The following CCDC40 variants were observed in gnomAD, a reference collection of about 807,000 sequenced individuals.
CCDC40 encodes the protein coiled-coil domain-containing protein 40.
CCDC40 carries 104 observed loss-of-function variants against 124.5 expected under a neutral mutation model. The observed-to-expected ratio is 0.84, with a 90% confidence interval of 0.71 to 0.98. CCDC40 has a LOEUF of 0.98. Among genes scored for constraint, CCDC40 ranks in the 50% least tolerant of loss-of-function variants. The pLI, the probability that CCDC40 is intolerant of heterozygous loss-of-function variation, is 0.00. For missense variants in CCDC40, 1,463 were observed against 1,503.9 expected, an observed-to-expected ratio of 0.97 and a Z score of 0.45; for synonymous variants, 580 against 602.9, an observed-to-expected ratio of 0.96 and a Z score of 0.56.
intron 11 of CCDC40, 21 bp from the exon 12 acceptor site, chr17:80,081,855 C>T: frequency 6.2e-7 from 1 of 1,614,056 alleles, no homozygotes; most frequent in Non-Finnish European, 8.5e-7. Flanking sequence ...GCACGTGCAC[C>T]CTGTGGCTCC....
chr17:80,063,841 G>A (rs1223683453), intron 9 of CCDC40, among the ~76,000 whole-genome samples: 3 of 152,212 alleles, frequency 2.0e-5, no homozygotes, highest in African/African-American at 7.2e-5. Context: ...ATAGCTAGAA[G>A]AGAGGGTTTT....
At chr17:80,057,890 A>G (rs893807999) in intron 7 of CCDC40, among the ~76,000 whole-genome samples, 7 of 149,156 alleles carry the variant, frequency 4.7e-5, no homozygotes, top group African/African-American at 1.8e-4. Context: ...AAAAAAAAAG[A>G]AATCCATCTC....
chr17:80,058,885 C>T lies in CCDC40; in HGVS notation c.1345C>T (p.Arg449Ter), dbSNP rs387907093. ...QDLYVDQLTT[R>*]AQQLEEDIAL... Reference sequence around the variant, plus strand: ...CCTGTATGTGGACCAGCTCACCACTCGAGCCCAGCAACTGGAAGAAGACAT... The same window carrying T: ...CCTGTATGTGGACCAGCTCACCACTTGAGCCCAGCAACTGGAAGAAGACAT... Residue 449 changes from arginine (R) to a stop codon, truncating the protein, a stop_gained, in exon 9 of 20, where the codon CGA (arginine) becomes TGA (stop). Transcript: ENST00000397545. LOFTEE classifies it high-confidence loss of function. The surrounding 1 kb of genome is among the most constrained non-coding windows in gnomAD (Gnocchi z 4.2). 6.2e-6 allele frequency: 10 copies of T among 1,614,146 alleles called. No homozygotes were observed. The highest frequency in any genetic ancestry group is 8.5e-6 in the Non-Finnish European group (10 of 1,180,024).
intron 9 of CCDC40, among the ~76,000 whole-genome samples, chr17:80,063,499 T>G (rs527602922): frequency 3.9e-5 from 6 of 152,280 alleles, no homozygotes; most frequent in Non-Finnish European, 8.8e-5. Flanking sequence ...TGGGGAGGCC[T>G]CGCACAGGCT....
intron 18 of CCDC40, among the ~76,000 whole-genome samples, chr17:80,096,544 C>T: frequency 6.6e-6 from 1 of 151,974 alleles, no homozygotes; most frequent in Non-Finnish European, 1.5e-5. Flanking sequence ...CCCTGGGCAC[C>T]CCCTGAGTCC....
intron 3 of CCDC40, among the ~76,000 whole-genome samples, chr17:80,041,736 G>T (rs1439052361): frequency 6.6e-6 from 1 of 152,118 alleles, no homozygotes; most frequent in Non-Finnish European, 1.5e-5. Flanking sequence ...GCGCCCCTCA[G>T]CCTGGATTTG....
chr17:80,061,295 G>A (rs1421268299), intron 9 of CCDC40, among the ~76,000 whole-genome samples: 6 of 152,194 alleles, frequency 3.9e-5, no homozygotes, highest in Non-Finnish European at 5.9e-5. Flanking sequence ...GCAGTGAGCC[G>A]AGATCATGCC....
At chr17:80,059,529 C>T (rs1378264530) in intron 9 of CCDC40, among the ~76,000 whole-genome samples, 2 of 149,504 alleles carry the variant, frequency 1.3e-5, no homozygotes, top group African/African-American at 4.9e-5. Context: ...CATCTTCATT[C>T]ACGGGTGCGG....
intron 10 of CCDC40, among the ~76,000 whole-genome samples, chr17:80,073,647 A>G (rs910624951): frequency 2.0e-4 from 31 of 152,212 alleles, no homozygotes; most frequent in Admixed American, 1.0e-3. Context: ...TAGGCCTACA[A>G]TGGCCACTAA....
chr17:80,090,765 T>C (rs1364250375), intron 17 of CCDC40: 1 of 1,357,568 alleles, frequency 7.4e-7, no homozygotes, highest in Non-Finnish European at 9.5e-7. Context: ...GCCTTAAGGA[T>C]AACAGTAAGA....
intron 7 of CCDC40, among the ~76,000 whole-genome samples, chr17:80,057,957 T>G (rs1286130182): frequency 6.6e-6 from 1 of 152,154 alleles, no homozygotes; most frequent in Non-Finnish European, 1.5e-5. Flanking sequence ...CTGAGAGCAC[T>G]GACATAAATC....
chr17:80,036,700 G>A lies in CCDC40; in HGVS notation c.29+9G>A, dbSNP rs1467493004. The stretch of plus-strand genomic sequence containing the variant: ...GGCGGCGCGGCGGGCCGGTAAGCCG[G>A]GCCGAGGGGCAGCGGGTCTTGGAGT... On this transcript the variant is annotated intron_variant, in intron 1 of 19. Coordinates refer to ENST00000397545, the MANE Select transcript of CCDC40 (RefSeq NM_017950.4). 6.8e-7 allele frequency: 1 copy of A among 1,464,214 alleles called. No individual in the cohort carries two copies. Among genetic ancestry groups the A allele is most frequent in the African/African-American group, 1.4e-5 (1 of 69,292 alleles). 90.7% of individuals were successfully genotyped at this position (1,464,214 alleles called of 1,614,324 possible). A position where few individuals can be genotyped will look rare whatever the true frequency, so the allele number is the denominator to read the frequency against.
At position 80,100,432 on chromosome 17, in the gene CCDC40, A is replaced by C; in HGVS notation, c.*657A>C. On this transcript the variant is annotated 3_prime_UTR_variant, in exon 20 of 20. Transcript: ENST00000397545. ...GCTGGGGCGTCCACACCAAGGGACT[A>C]CGCCCCAGTCTGCCCACCTATCTTT... The C allele has an allele frequency of 6.5e-6, 1 of 153,620 alleles. No individual in the cohort carries two copies. 9.5% of individuals were successfully genotyped at this position (153,620 alleles called of 1,614,324 possible).
chr17:80,099,902 A>G lies in CCDC40; in HGVS notation c.*127A>G. 2 of 1,055,546 alleles carry G rather than the reference A, an allele frequency of 1.9e-6. No homozygotes were observed. Among genetic ancestry groups the G allele is most frequent in the South Asian group, 2.8e-5 (2 of 71,264 alleles). The allele number at this position is 1,055,546 out of a possible 1,614,324, so 65.4% of individuals were successfully genotyped here. On this transcript the variant is annotated 3_prime_UTR_variant, in exon 20 of 20. Transcript: ENST00000397545. ...TACCCTCAGAAGGGCATCGTTTAAG[A>G]GAAATAAGCCAGCCCCACCCATAGG...
intron 9 of CCDC40, among the ~76,000 whole-genome samples, chr17:80,064,363 C>T (rs1242937990): frequency 6.6e-6 from 1 of 152,036 alleles, no homozygotes; most frequent in African/African-American, 2.4e-5. Flanking sequence ...TGACTCGGGC[C>T]GCCAGCTTGC....
intron 2 of CCDC40, among the ~76,000 whole-genome samples, 186 bp from the exon 3 acceptor site, chr17:80,039,625 TG>T (rs2037221106): frequency 6.6e-6 from 1 of 151,992 alleles, no homozygotes; most frequent in African/African-American, 2.4e-5. Context: ...TTGGTCAGGA[TG>T]GTCTCAATCT....
intron 7 of CCDC40, among the ~76,000 whole-genome samples, chr17:80,056,500 G>A (rs2037752625): frequency 6.6e-6 from 1 of 152,078 alleles, no homozygotes; most frequent in African/African-American, 2.4e-5. Flanking sequence ...GGTGGCATGT[G>A]CCTGGAGTCC....
At chr17:80,075,902 G>A (rs1158270660) in intron 10 of CCDC40, among the ~76,000 whole-genome samples, 1 of 152,216 alleles carries the variant, frequency 6.6e-6, no homozygotes, top group Non-Finnish European at 1.5e-5. Context: ...AGCGCAGAAA[G>A]TCACTCCCGA....
intron 3 of CCDC40, 61 bp downstream of exon 3, chr17:80,040,331 T>A: frequency 6.9e-7 from 1 of 1,447,414 alleles, no homozygotes; most frequent in Non-Finnish European, 9.6e-7. Flanking sequence ...TTTGTCACCC[T>A]ATGTGAGGAA....
Sources: gnomAD v4.1 joint callset for allele counts (sites outside exome capture counted in the v4.1 genomes callset) on GRCh38, gnomAD v4.1.1 for gene constraint, Gnocchi (gnomAD v3.1) non-coding constraint, MANE v1.5 for transcripts, NCBI Gene and HGNC (gene_info 2026-07-23, HGNC 2026-07-21) for gene names.